The following TOM1L2 variants were observed in gnomAD, a reference collection of about 807,000 sequenced individuals.
The protein encoded by TOM1L2 is TOM1-like protein 2.
In TOM1L2, 31 loss-of-function variants were observed where a neutral mutation model predicts 67.9. The observed-to-expected ratio is 0.46, with a 90% confidence interval of 0.34 to 0.62. The LOEUF is 0.62. Ranked by LOEUF, TOM1L2 falls within the 20% of genes least tolerant of loss-of-function variation. TOM1L2 has a pLI of 0.01. For missense variants in TOM1L2, 606 were observed against 663.5 expected, an observed-to-expected ratio of 0.91 and a Z score of 0.95; for synonymous variants, 256 against 254.0, an observed-to-expected ratio of 1.01 and a Z score of -0.07.
At chr17:17,926,074 G>A (rs1350469519) in intron 1 of TOM1L2, among the ~76,000 whole-genome samples, 1 of 151,776 alleles carries the variant, frequency 6.6e-6, no homozygotes, top group Non-Finnish European at 1.5e-5. Context: ...CACAGGCTGA[G>A]GTGAGAGGAT....
At chr17:17,859,384 T>A (rs1194102537) in intron 12 of TOM1L2, 1 of 152,254 alleles carries the variant, frequency 6.6e-6, no homozygotes, top group Non-Finnish European at 1.5e-5. Flanking sequence ...CTTCCCCTTT[T>A]TTATTGTGTT....
chr17:17,920,335 AT>A (rs771122365), intron 1 of TOM1L2, among the ~76,000 whole-genome samples: 1,047 of 93,294 alleles, frequency 0.011, 3 homozygotes, highest in African/African-American at 0.035. Flanking sequence ...AATGTTCAAT[AT>A]TTTTTTTTTT....
intron 2 of TOM1L2, among the ~76,000 whole-genome samples, chr17:17,900,575 C>A (rs139382350): frequency 5.3e-4 from 80 of 151,018 alleles, no homozygotes; most frequent in African/African-American, 1.9e-3. Context: ...AGGAGCAAGG[C>A]TACTAGAAGA....
chr17:17,877,301 C>T (rs1298898451), intron 7 of TOM1L2, among the ~76,000 whole-genome samples: 2 of 152,236 alleles, frequency 1.3e-5, no homozygotes, highest in African/African-American at 2.4e-5. Flanking sequence ...CCACCTCCTA[C>T]CCCAGGAATT....
chr17:17,963,644 C>G (rs774973270), intron 1 of TOM1L2, among the ~76,000 whole-genome samples: 8 of 152,150 alleles, frequency 5.3e-5, no homozygotes, highest in Non-Finnish European at 1.0e-4. Flanking sequence ...GAAATGATGG[C>G]TAGTAATGTT....
chr17:17,933,832 C>T (rs1041875228), intron 1 of TOM1L2, among the ~76,000 whole-genome samples: 1 of 152,174 alleles, frequency 6.6e-6, no homozygotes, highest in African/African-American at 2.4e-5. Flanking sequence ...AAAGTATTGG[C>T]TTATTTTTTT....
intron 1 of TOM1L2, among the ~76,000 whole-genome samples, chr17:17,934,425 G>C (rs1011481841): frequency 6.6e-6 from 1 of 152,170 alleles, no homozygotes; most frequent in South Asian, 2.1e-4. Context: ...CAGGGAGACA[G>C]AGTGAAACCC....
intron 10 of TOM1L2, among the ~76,000 whole-genome samples, chr17:17,865,148 GA>G (rs2036777213): frequency 6.6e-6 from 1 of 152,214 alleles, no homozygotes; most frequent in Non-Finnish European, 1.5e-5. Flanking sequence ...ATGAACTGTG[GA>G]AAGTGGTGAG....
At chr17:17,851,135 G>A (rs2035952048) in intron 12 of TOM1L2, 183 bp from the exon 13 acceptor site, 1 of 619,948 alleles carries the variant, frequency 1.6e-6, no homozygotes, top group Non-Finnish European at 2.9e-6. Flanking sequence ...TGAGATGGCA[G>A]GTGAGGAAAG....
intron 1 of TOM1L2, among the ~76,000 whole-genome samples, chr17:17,922,598 T>C (rs568496001): frequency 3.4e-4 from 52 of 152,262 alleles, no homozygotes; most frequent in Non-Finnish European, 6.9e-4. Flanking sequence ...GTCTTGGCTC[T>C]CTCTGACCTA....
intron 12 of TOM1L2, among the ~76,000 whole-genome samples, chr17:17,858,015 GA>G (rs1367944171): frequency 6.6e-6 from 1 of 152,026 alleles, no homozygotes; most frequent in Non-Finnish European, 1.5e-5. Context: ...TACCTGCCTG[GA>G]AAAAAGAAGA....
At chr17:17,883,728 C>T (rs1310231589) in intron 5 of TOM1L2, among the ~76,000 whole-genome samples, 2 of 150,958 alleles carry the variant, frequency 1.3e-5, no homozygotes, top group African/African-American at 4.9e-5. Context: ...AGCAAGACTC[C>T]GACTCAAAAA....
At chr17:17,963,953 T>C (rs1355455804) in intron 1 of TOM1L2, among the ~76,000 whole-genome samples, 10 of 152,174 alleles carry the variant, frequency 6.6e-5, no homozygotes. Context: ...ATTTTCTGTT[T>C]TATAGATAAG....
chr17:17,919,444 C>T (rs2039760843), intron 1 of TOM1L2, among the ~76,000 whole-genome samples: 1 of 152,218 alleles, frequency 6.6e-6, no homozygotes, highest in Non-Finnish European at 1.5e-5. Context: ...TTCTGGATTT[C>T]TGGGTTACTG....
At chr17:17,890,375 G>C (rs542899671) in intron 4 of TOM1L2, among the ~76,000 whole-genome samples, 28 of 152,132 alleles carry the variant, frequency 1.8e-4, no homozygotes, top group African/African-American at 6.5e-4. Context: ...GGCCATTTTT[G>C]ACCAACAAAG....
intron 1 of TOM1L2, among the ~76,000 whole-genome samples, chr17:17,936,226 G>A (rs1292134603): frequency 6.6e-6 from 1 of 152,068 alleles, no homozygotes; most frequent in Non-Finnish European, 1.5e-5. Flanking sequence ...TCTCTGCCTG[G>A]ATATCTAGGA....
chr17:17,917,072 G>A lies in TOM1L2; in HGVS notation c.53-9541C>T, dbSNP rs546735849. On this transcript the variant is annotated intron_variant, in intron 1 of 14. Coordinates refer to ENST00000379504, the MANE Select transcript of TOM1L2 (RefSeq NM_001082968.2). ...CTACTCCGGAGGCTGAGGCAGGAGA[G>A]TCACTTGAACTCAGCAGGCAGAGGT... Among the ~76,000 whole-genome samples, 14 of 152,202 alleles carry A rather than the reference G, an allele frequency of 9.2e-5. No individual in the cohort carries two copies. The South Asian group carries it at 1.5e-3, about 16-fold the overall frequency.
intron 3 of TOM1L2, among the ~76,000 whole-genome samples, chr17:17,897,647 A>C (rs1015268005): frequency 6.6e-6 from 1 of 152,176 alleles, no homozygotes; most frequent in Non-Finnish European, 1.5e-5. Context: ...CCTGAAAAAA[A>C]TCACTTGGCT....
intron 4 of TOM1L2, among the ~76,000 whole-genome samples, chr17:17,885,159 T>C (rs1292331220): frequency 3.3e-5 from 5 of 152,190 alleles, no homozygotes; most frequent in African/African-American, 1.2e-4. Context: ...CTCAGCAGGG[T>C]GCCTGCCCTC....
Sources: gnomAD v4.1 joint callset for allele counts (sites outside exome capture counted in the v4.1 genomes callset) on GRCh38, gnomAD v4.1.1 for gene constraint, MANE v1.5 for transcripts, NCBI Gene and HGNC (gene_info 2026-07-23, HGNC 2026-07-21) for gene names.